The following CCNY variants were observed in gnomAD, a reference collection of about 807,000 sequenced individuals.
The protein encoded by CCNY is cyclin Y, also known as cyclin-Y.
CCNY carries 19 observed loss-of-function variants against 42.8 expected under a neutral mutation model. The observed-to-expected ratio is 0.44, with a 90% CI of 0.31 to 0.65. The LOEUF (loss-of-function observed/expected upper bound fraction) is 0.65, where lower values mean the gene tolerates loss of function less well. Among genes scored for constraint, CCNY ranks in the 30% least tolerant of loss-of-function variants. CCNY has a pLI of 0.07. For missense variants in CCNY, 370 were observed against 437.3 expected (o/e 0.85, Z 1.37); for synonymous variants, 165 against 162.7 (o/e 1.01, Z -0.11).
At chr10:35,256,693 T>C (rs2095715729) in intron 3 of CCNY, among the ~76,000 whole-genome samples, 1 of 151,038 alleles carries the variant, frequency 6.6e-6, no homozygotes, top group East Asian at 2.0e-4. Flanking sequence ...ATCGTGCCAC[T>C]GAACTCCAGC....
At position 35,419,533 on chromosome 10, in the gene CCNY, C is replaced by CTTTTTTTTTTTTTTTTTTTTTTTTTTT. The variant is rs34429228; in HGVS notation, c.155-63856_155-63855insTTTTTTTTTTTTTTTTTTTTTTTTTTT. ...AGGACTGGGTTGCATTAGACCGTTCCTTTTTTTTTTTTTTTAGCAATCTGG... is the reference window on the plus strand; with the variant it reads ...AGGACTGGGTTGCATTAGACCGTTCCTTTTTTTTTTTTTTTTTTTTTTTTTTTTTTTTTTTTTTTTTTAGCAATCTGG... On this transcript the variant is annotated intron_variant, in intron 1 of 9. Coordinates refer to ENST00000374704, the MANE Select transcript of CCNY (RefSeq NM_145012.6). Among the ~76,000 whole-genome samples, 270 of 129,572 alleles carry CTTTTTTTTTTTTTTTTTTTTTTTTTTT rather than the reference C, an allele frequency of 2.1e-3. 20 individuals carry two copies. The highest frequency in any genetic ancestry group is 8.1e-3 in the African/African-American group (255 of 31,628). 85.0% of individuals were successfully genotyped at this position (129,572 alleles called of 152,430 possible). A position where few individuals can be genotyped will look rare whatever the true frequency, so the allele number is the denominator to read the frequency against.
At chr10:35,331,349 T>C (rs1043687404) in intron 3 of CCNY, among the ~76,000 whole-genome samples, 1 of 152,154 alleles carries the variant, frequency 6.6e-6, no homozygotes, top group Non-Finnish European at 1.5e-5. Flanking sequence ...TTGAAAAGTA[T>C]GGAAGGATAA....
chr10:35,284,035 G>A (rs909449445), intron 3 of CCNY, among the ~76,000 whole-genome samples: 3 of 152,130 alleles, frequency 2.0e-5, no homozygotes, highest in African/African-American at 7.2e-5. Context: ...AGTGAACTGA[G>A]ATCGGGTCAA....
intron 1 of CCNY, among the ~76,000 whole-genome samples, chr10:35,459,358 T>C (rs185519318): frequency 1.3e-3 from 202 of 152,346 alleles, no homozygotes; most frequent in Middle Eastern, 6.8e-3. Context: ...CAACACAAAT[T>C]TGTAAACTTT....
At chr10:35,316,005 T>A (rs935261983) in intron 3 of CCNY, among the ~76,000 whole-genome samples, 5 of 152,218 alleles carry the variant, frequency 3.3e-5, no homozygotes, top group African/African-American at 1.2e-4. Flanking sequence ...ATAAGTGTAA[T>A]TGTCTTTTAT....
chr10:35,298,872 T>C (rs571430468), intron 3 of CCNY, among the ~76,000 whole-genome samples: 1 of 152,304 alleles, frequency 6.6e-6, no homozygotes, highest in African/African-American at 2.4e-5. Context: ...AGTTATCTAT[T>C]GATGAATATT....
chr10:35,524,988 CT>C (rs1468732971), intron 4 of CCNY, among the ~76,000 whole-genome samples: 1 of 152,054 alleles, frequency 6.6e-6, no homozygotes, highest in African/African-American at 2.4e-5. Context: ...AGGATGTATC[CT>C]TGTGGAAATA....
chr10:35,419,890 T>A lies in CCNY; in HGVS notation c.155-63514T>A, dbSNP rs368000553. ...CAGATTACTAATTTCTAGGCAAACT[T>A]TATAATTAAAAGAAGAAATAGATAT... is the stretch of plus-strand genomic sequence containing the variant. On this transcript the variant is annotated intron_variant, in intron 1 of 9. Transcript: ENST00000374704. Among the ~76,000 whole-genome samples, 50 of 152,098 alleles carry A rather than the reference T, an allele frequency of 3.3e-4. 1 individual carries two copies. The highest frequency in any genetic ancestry group is 1.2e-3 in the African/African-American group (50 of 41,492).
chr10:35,266,379 C>T (rs1476240381), intron 3 of CCNY, among the ~76,000 whole-genome samples: 2 of 150,224 alleles, frequency 1.3e-5, no homozygotes, highest in Admixed American at 6.7e-5. Flanking sequence ...GAATTACAGG[C>T]GTGAGCCACC....
intron 8 of CCNY, among the ~76,000 whole-genome samples, chr10:35,554,000 CATT>C (rs987656585): frequency 6.6e-6 from 1 of 152,218 alleles, no homozygotes; most frequent in Non-Finnish European, 1.5e-5. Context: ...TCACTTCTGA[CATT>C]ATTGTTGCTA....
rs1383083926 is a variant in CCNY, at chr10:35,440,891, A to G, written c.155-42513A>G. ...AAAGAAGTCTAGATTTTCACGTGTC[A>G]TTGCTATTTTAAGACATCTCTTTTC... On this transcript the variant is annotated intron_variant, in intron 1 of 9. Transcript: ENST00000374704. Among the ~76,000 whole-genome samples, 6 of 152,232 alleles carry G rather than the reference A, an allele frequency of 3.9e-5. 1 individual carries two copies. The highest frequency in any genetic ancestry group is 1.4e-4 in the African/African-American group (6 of 41,460).
At chr10:35,363,068 G>A (rs563073578) in intron 1 of CCNY, among the ~76,000 whole-genome samples, 2 of 150,730 alleles carry the variant, frequency 1.3e-5, no homozygotes, top group African/African-American at 4.9e-5. Flanking sequence ...TTCCCAGATG[G>A]TGGGCCGCCG....
Position 35,268,908 on chromosome 10 carries a change from G to T in CCNY, c.-9+18282G>T, listed in dbSNP as rs193253994. Among the ~76,000 whole-genome samples, 545 of 152,320 alleles carry T rather than the reference G, an allele frequency of 3.6e-3. 5 individuals are homozygous for T. The highest frequency in any genetic ancestry group is 0.012 in the African/African-American group (517 of 41,570). The stretch of plus-strand genomic sequence containing the variant: ...CCTGGGGCCCCTCCTTTGCCATTCT[G>T]CCCTCAAGGGCCTAGCACTGTGGGC... On this transcript the variant is annotated intron_variant, in intron 3 of 11. Transcript: ENST00000374706.
intron 1 of CCNY, among the ~76,000 whole-genome samples, chr10:35,462,703 G>A (rs1022001170): frequency 6.6e-6 from 1 of 152,194 alleles, no homozygotes; most frequent in Non-Finnish European, 1.5e-5. Context: ...AGAGGGGCTG[G>A]TGCTGGATTG....
chr10:35,265,126 T>G (rs12261843), intron 3 of CCNY, among the ~76,000 whole-genome samples: 53,046 of 151,980 alleles, frequency 0.35, 9,916 homozygotes, highest in African/African-American at 0.5. Context: ...GGAGGGATGA[T>G]AGCAAGAGAA....
chr10:35,489,681 C>T (rs961081161), intron 2 of CCNY, among the ~76,000 whole-genome samples: 5 of 151,912 alleles, frequency 3.3e-5, no homozygotes, highest in Admixed American at 6.5e-5. Flanking sequence ...GTTTATATGT[C>T]GAAAAATCTC....
intron 1 of CCNY, among the ~76,000 whole-genome samples, chr10:35,399,058 C>A (rs1314871826): frequency 6.6e-6 from 1 of 152,218 alleles, no homozygotes; most frequent in Non-Finnish European, 1.5e-5. Context: ...AAGTTCCAAG[C>A]AAATGTACAA....
intron 1 of CCNY, among the ~76,000 whole-genome samples, chr10:35,403,981 G>C (rs1837701899): frequency 6.6e-6 from 1 of 152,262 alleles, no homozygotes; most frequent in Admixed American, 6.5e-5. Context: ...ATGGGGGTCA[G>C]GTGTGGTATC....
At chr10:35,267,780 T>C (rs2095727122) in intron 3 of CCNY, among the ~76,000 whole-genome samples, 1 of 152,132 alleles carries the variant, frequency 6.6e-6, no homozygotes, top group African/African-American at 2.4e-5. Flanking sequence ...AGTTGTGCAA[T>C]GTCGGGTAAA....
Sources: allele counts gnomAD v4.1 joint callset (sites outside exome capture counted in the v4.1 genomes callset), GRCh38; gene constraint gnomAD v4.1.1; transcripts MANE v1.5; gene names NCBI Gene and HGNC (gene_info 2026-07-23, HGNC 2026-07-21).